Variants in LINGO2 observed in about 807,000 individuals in gnomAD.
The protein encoded by LINGO2 is leucine-rich repeat and immunoglobulin-like domain-containing nogo receptor-interacting protein 2.
Under a neutral mutation model 30.6 loss-of-function variants are expected in LINGO2, and 14 were observed. That is an observed-to-expected ratio of 0.46 (90% CI 0.30 to 0.72). The LOEUF is 0.72. Among genes scored for constraint, LINGO2 ranks in the 30% least tolerant of loss-of-function variants. LINGO2 has a pLI of 0.07. For missense variants in LINGO2, 729 were observed against 751.7 expected (o/e 0.97, Z 0.35); for synonymous variants, 317 against 288.5 (o/e 1.10, Z -1.00).
chr9:28,286,059 A>G (rs1038086809), intron 4 of LINGO2, among the ~76,000 whole-genome samples: 13 of 152,204 alleles, frequency 8.5e-5, no homozygotes, highest in African/African-American at 1.4e-4. Context: ...CCTTTATTTC[A>G]GATTAAATCC....
intron 1 of LINGO2, among the ~76,000 whole-genome samples, chr9:28,646,178 C>T (rs781125274): frequency 6.6e-6 from 1 of 151,988 alleles, no homozygotes; most frequent in South Asian, 2.1e-4. Flanking sequence ...AGTGCTCTAG[C>T]ATCACATGCT....
chr9:28,820,701 C>T, the LINGO2 span, among the ~76,000 whole-genome samples: 1 of 152,140 alleles, frequency 6.6e-6, no homozygotes, highest in Admixed American at 6.5e-5. Context: ...AGTAGCAGTC[C>T]TGGGGCCATT....
chr9:28,749,198 C>A, the LINGO2 span, among the ~76,000 whole-genome samples: 1 of 151,952 alleles, frequency 6.6e-6, no homozygotes, highest in Non-Finnish European at 1.5e-5. Context: ...ACATTTCCCA[C>A]ACGCATTAGA....
chr9:28,603,196 T>C (rs757578369), intron 1 of LINGO2, among the ~76,000 whole-genome samples: 6 of 152,056 alleles, frequency 3.9e-5, no homozygotes, highest in Non-Finnish European at 8.8e-5. Context: ...CTACAGCAAG[T>C]TCACAATAAA....
chr9:28,028,481 G>A (rs955597374), intron 4 of LINGO2, among the ~76,000 whole-genome samples: 1 of 151,894 alleles, frequency 6.6e-6, no homozygotes, highest in African/African-American at 2.4e-5. Context: ...ATATACAAAT[G>A]TATATACACG....
intron 2 of LINGO2, among the ~76,000 whole-genome samples, chr9:28,433,949 C>CTCTCTCTCTCTCTCTATATATATA (rs1225323260): frequency 1.5e-4 from 13 of 88,524 alleles, no homozygotes; most frequent in African/African-American, 4.9e-4. Context: ...CTCTCTCTCT[C>CTCTCTCTCTCTCTCTATATATATA]TATATATATA....
chr9:28,866,160 C>G, the LINGO2 span, among the ~76,000 whole-genome samples: 1 of 152,092 alleles, frequency 6.6e-6, no homozygotes, highest in African/African-American at 2.4e-5. Context: ...ATGATATGCA[C>G]TGAGAATGAA....
the LINGO2 span, among the ~76,000 whole-genome samples, chr9:29,079,057 T>C: frequency 1.3e-5 from 2 of 151,970 alleles, no homozygotes; most frequent in Non-Finnish European, 1.5e-5. Context: ...AATCCAGATA[T>C]GACTTTCATC....
chr9:28,265,659 G>A (rs544013465), intron 4 of LINGO2, among the ~76,000 whole-genome samples: 108 of 152,060 alleles, frequency 7.1e-4, no homozygotes, highest in African/African-American at 2.6e-3. Flanking sequence ...GAAATTTAAA[G>A]CAAATATGAT....
chr9:28,290,268 G>A (rs1305481794), intron 4 of LINGO2, among the ~76,000 whole-genome samples: 1 of 152,180 alleles, frequency 6.6e-6, no homozygotes, highest in Non-Finnish European at 1.5e-5. Flanking sequence ...GCTGTATTAA[G>A]TATTGGTCTT....
chr9:28,611,260 T>C (rs926970311), intron 1 of LINGO2, among the ~76,000 whole-genome samples: 2 of 152,186 alleles, frequency 1.3e-5, no homozygotes, highest in African/African-American at 4.8e-5. Flanking sequence ...ATTTAGGATA[T>C]ATGATGTGAT....
intron 1 of LINGO2, among the ~76,000 whole-genome samples, chr9:28,509,858 G>GTA (rs1820300246): frequency 1.3e-5 from 2 of 152,182 alleles, no homozygotes; most frequent in African/African-American, 4.8e-5. Flanking sequence ...ACTAATACAT[G>GTA]TATAGTCTAG....
chr9:29,116,814 G>A, the LINGO2 span, among the ~76,000 whole-genome samples: 1 of 152,168 alleles, frequency 6.6e-6, no homozygotes, highest in African/African-American at 2.4e-5. Context: ...TGTCATTATT[G>A]CTTAAACTGA....
At chr9:27,959,076 G>A (rs1343451960) in intron 5 of LINGO2, among the ~76,000 whole-genome samples, 1 of 152,082 alleles carries the variant, frequency 6.6e-6, no homozygotes, top group African/African-American at 2.4e-5. Flanking sequence ...GCCTGAAGTT[G>A]TCATAAACTT....
chr9:28,634,656 T>A (rs572858739), intron 1 of LINGO2, among the ~76,000 whole-genome samples: 3 of 151,966 alleles, frequency 2.0e-5, no homozygotes, highest in Admixed American at 6.6e-5. Flanking sequence ...TGGCTAACTT[T>A]TGTATTTTTG....
chr9:28,884,800 T>C, the LINGO2 span, among the ~76,000 whole-genome samples: 1 of 144,176 alleles, frequency 6.9e-6, no homozygotes, highest in Non-Finnish European at 1.5e-5. Context: ...TGTATATATA[T>C]TCTTTAGCAG....
chr9:28,041,211 C>T (rs1031058858), intron 4 of LINGO2, among the ~76,000 whole-genome samples: 1 of 152,172 alleles, frequency 6.6e-6, no homozygotes, highest in African/African-American at 2.4e-5. Context: ...AAACTGTTTT[C>T]TCAGAGTTAT....
chr9:28,460,585 T>C (rs1279614263), intron 2 of LINGO2, among the ~76,000 whole-genome samples: 4 of 152,050 alleles, frequency 2.6e-5, no homozygotes, highest in East Asian at 1.9e-4. Flanking sequence ...ATGTAATACA[T>C]AGTAATGGAG....
the LINGO2 span, among the ~76,000 whole-genome samples, chr9:29,146,167 C>T: frequency 6.6e-6 from 1 of 152,082 alleles, no homozygotes; most frequent in Non-Finnish European, 1.5e-5. Context: ...ACCATCCTGG[C>T]CAACATGGTG....
Sources: allele counts gnomAD v4.1 joint callset (sites outside exome capture counted in the v4.1 genomes callset), GRCh38; gene constraint gnomAD v4.1.1; transcripts MANE v1.5; gene names NCBI Gene and HGNC (gene_info 2026-07-23, HGNC 2026-07-21).